CFAP77: variants seen among roughly 807,000 people sequenced by gnomAD.
CFAP77 encodes the protein cilia- and flagella-associated protein 77.
CFAP77 carries 25 observed loss-of-function variants against 31.1 expected under a neutral mutation model. The observed-to-expected ratio is 0.80, with a 90% CI of 0.59 to 1.12. The LOEUF is 1.12. Ranked by LOEUF, CFAP77 falls within the 50% of genes most tolerant of loss-of-function variation. The pLI is 0.00. For missense variants in CFAP77, 377 were observed against 397.3 expected (o/e 0.95, Z 0.44); for synonymous variants, 151 against 159.9 (o/e 0.94, Z 0.42).
At chr9:132,456,846 G>T (rs1850924519) in intron 1 of CFAP77, among the ~76,000 whole-genome samples, 1 of 152,044 alleles carries the variant, frequency 6.6e-6, no homozygotes, top group African/African-American at 2.4e-5. Context: ...CACCTCCTGG[G>T]CTCAAGCGAT....
intron 1 of CFAP77, among the ~76,000 whole-genome samples, chr9:132,479,362 G>A (rs957465125): frequency 3.9e-5 from 6 of 151,914 alleles, no homozygotes; most frequent in East Asian, 1.9e-4. Context: ...TCCTACCATC[G>A]TGCATCCCAT....
intron 1 of CFAP77, among the ~76,000 whole-genome samples, chr9:132,440,394 T>C (rs537321504): frequency 1.2e-4 from 19 of 152,184 alleles, no homozygotes; most frequent in African/African-American, 4.6e-4. Context: ...ACCGAACAGT[T>C]TCTATGGGCC....
At chr9:132,422,013 C>CTTTTTTT (rs1234375855) in intron 1 of CFAP77, among the ~76,000 whole-genome samples, 181 of 143,808 alleles carry the variant, frequency 1.3e-3, no homozygotes, top group African/African-American at 4.5e-3. Flanking sequence ...TCCCAGGTGG[C>CTTTTTTT]TTTTTTTTTT....
chr9:132,488,708 C>T (rs768818288), intron 1 of CFAP77, among the ~76,000 whole-genome samples: 3 of 152,226 alleles, frequency 2.0e-5, no homozygotes, highest in Non-Finnish European at 4.4e-5. Flanking sequence ...TGGCGACAGG[C>T]TGCTCCCAGG....
chr9:132,544,667 G>A (rs1852705626), intron 5 of CFAP77, among the ~76,000 whole-genome samples: 1 of 151,844 alleles, frequency 6.6e-6, no homozygotes, highest in Non-Finnish European at 1.5e-5. Context: ...GCTGATTTTT[G>A]TGTTTTTTTG....
rs770046163 is a variant in CFAP77, at chr9:132,424,042, G to T, written c.195+13576G>T. Among the ~76,000 whole-genome samples the T allele has an allele frequency of 2.6e-5, 4 of 152,168 alleles. No individual in the cohort carries two copies. The highest frequency in any genetic ancestry group is 2.1e-4 in the South Asian group (1 of 4,826). ...TGGGCAGAAAATTCACATCACACAC[G>T]TGCACCTACGGCCAGAAGTTGACTG... On this transcript the variant is annotated intron_variant, in intron 1 of 5. Coordinates refer to ENST00000393216, the MANE Select transcript of CFAP77 (RefSeq NM_001282957.2). This position sits in a 1 kb window ranked among gnomAD's most constrained non-coding sequence, Gnocchi z 4.1.
chr9:132,419,901 C>T (rs1302634081), intron 1 of CFAP77, among the ~76,000 whole-genome samples: 1 of 152,120 alleles, frequency 6.6e-6, no homozygotes, highest in Non-Finnish European at 1.5e-5. Context: ...TGACTCACAC[C>T]TGTAATCCCA....
chr9:132,555,925 T>C (rs1392558884), intron 5 of CFAP77, among the ~76,000 whole-genome samples: 2 of 152,008 alleles, frequency 1.3e-5, no homozygotes, highest in Non-Finnish European at 2.9e-5. Flanking sequence ...ATACCGAGAA[T>C]CAACATGCAA....
chr9:132,514,806 AAG>A (rs1852117360), intron 3 of CFAP77, among the ~76,000 whole-genome samples: 2 of 152,316 alleles, frequency 1.3e-5, no homozygotes, highest in Admixed American at 6.5e-5. Context: ...AATTAGTTCT[AAG>A]AGTCCTGCTA....
At position 132,554,963 on chromosome 9, in the gene CFAP77, T is replaced by C. The variant is rs1852876478; in HGVS notation, c.732+11916T>C. On this transcript the variant is annotated intron_variant, in intron 5 of 5. Transcript: ENST00000393216. This position sits in a 1 kb window ranked among gnomAD's most constrained non-coding sequence, Gnocchi z 4.1. ...ACCCATCCATCCATCCATCCATCCA[T>C]CCATCCATCCATCCATCCATCCATC... is the stretch of plus-strand genomic sequence containing the variant. 6.6e-6 allele frequency among the ~76,000 whole-genome samples: 1 copy of C among 151,636 alleles called. No homozygotes were observed. Among genetic ancestry groups the C allele is most frequent in the Non-Finnish European group, 1.5e-5 (1 of 67,948 alleles).
In CFAP77 at chr9:132,497,419, G is replaced by T. The variant is rs913078915; in HGVS notation, c.196-1276G>T. On this transcript the variant is annotated intron_variant, in intron 1 of 5. Transcript: ENST00000393216. This position sits in a 1 kb window ranked among gnomAD's most constrained non-coding sequence, Gnocchi z 4.9. ...CCAGAGTGGAGAGATCCCGGGAAAT[G>T]TAACACCCTGTGACTTCGAAACCAC... 5.3e-5 allele frequency among the ~76,000 whole-genome samples: 8 copies of T among 152,248 alleles called. No individual in the cohort carries two copies. Among genetic ancestry groups the T allele is most frequent in the African/African-American group, 1.9e-4 (8 of 41,470 alleles).
At chr9:132,477,525 C>G (rs193215163) in intron 1 of CFAP77, among the ~76,000 whole-genome samples, 2 of 152,104 alleles carry the variant, frequency 1.3e-5, no homozygotes, top group Non-Finnish European at 1.5e-5. Context: ...AGTGGGAGGT[C>G]GGGTCAGGAA....
intron 1 of CFAP77, among the ~76,000 whole-genome samples, chr9:132,444,884 A>G (rs1850683273): frequency 2.6e-5 from 4 of 151,718 alleles, no homozygotes; most frequent in Non-Finnish European, 4.4e-5. Flanking sequence ...AACTCTTTTC[A>G]TCTTGCAAAA....
intron 1 of CFAP77, among the ~76,000 whole-genome samples, chr9:132,445,047 C>G (rs1850686301): frequency 6.6e-6 from 1 of 150,558 alleles, no homozygotes; most frequent in South Asian, 2.1e-4. Context: ...AATCTTGGCT[C>G]ACTGCAACCT....
intron 1 of CFAP77, among the ~76,000 whole-genome samples, chr9:132,446,913 ATT>A (rs1031998473): frequency 1.2e-4 from 18 of 152,060 alleles, no homozygotes; most frequent in Non-Finnish European, 1.0e-4. Flanking sequence ...TTTAAAATTA[ATT>A]TTAAAAATAA....
chr9:132,519,512 G>A (rs1348188767), intron 3 of CFAP77, among the ~76,000 whole-genome samples: 1 of 100,830 alleles, frequency 9.9e-6, no homozygotes. Flanking sequence ...GGATGGGTGG[G>A]TGGGTGGGTA....
intron 1 of CFAP77, among the ~76,000 whole-genome samples, chr9:132,457,419 T>C (rs1425606534): frequency 6.6e-6 from 1 of 152,390 alleles, no homozygotes; most frequent in Middle Eastern, 3.4e-3. Flanking sequence ...TTTTCTTTTG[T>C]GTTTTTTGCT....
At position 132,410,285 on chromosome 9, in the gene CFAP77, G is replaced by C; in HGVS notation, c.14G>C (p.Arg5Thr). 6.3e-7 allele frequency: 1 copy of C among 1,579,684 alleles called. No homozygotes were observed. The highest frequency in any genetic ancestry group is 8.6e-7 in the Non-Finnish European group (1 of 1,165,014). Residue 5 changes from arginine to threonine, a missense_variant, in exon 1 of 6, where the codon AGG becomes ACG. Arg to Thr is a moderately conservative substitution (Grantham distance 71). Transcript: ENST00000393216. MPEA[R>T]SSGPDLTRWR... ...GCGACCTCAAGGATGCCAGAGGCCA[G>C]GAGCTCCGGCCCGGACCTCACGCGA...
chr9:132,514,598 C>T (rs961602521), intron 3 of CFAP77, among the ~76,000 whole-genome samples: 6 of 152,122 alleles, frequency 3.9e-5, no homozygotes, highest in South Asian at 4.1e-4. Context: ...CCTTCCTTGC[C>T]GCCTGCTGCC....
Sources: allele counts gnomAD v4.1 joint callset (sites outside exome capture counted in the v4.1 genomes callset), GRCh38; gene constraint gnomAD v4.1.1; non-coding constraint Gnocchi (gnomAD v3.1); transcripts MANE v1.5; gene names NCBI Gene and HGNC (gene_info 2026-07-23, HGNC 2026-07-21).